SYCP2L: variants seen among roughly 807,000 people sequenced by gnomAD.
SYCP2L encodes the protein synaptonemal complex protein 2-like.
Under a neutral mutation model 125.8 loss-of-function variants are expected in SYCP2L, and 98 were observed. That is an observed-to-expected ratio of 0.78 (90% CI 0.66 to 0.92). The LOEUF is 0.92. Ranked by LOEUF, SYCP2L falls within the 40% of genes least tolerant of loss-of-function variation. The probability of loss-of-function intolerance (pLI) is 0.00; values close to 1 mark genes in which losing one functional copy is unlikely to be tolerated. For synonymous variants in SYCP2L, 317 were observed against 325.4 expected, an observed-to-expected ratio of 0.97 and a Z score of 0.28; for missense variants, 842 against 936.4, an observed-to-expected ratio of 0.90 and a Z score of 1.32.
chr6:10,957,812 GTC>G (rs1283428008), intron 25 of SYCP2L, among the ~76,000 whole-genome samples: 2 of 152,108 alleles, frequency 1.3e-5, no homozygotes, highest in Non-Finnish European at 2.9e-5. Flanking sequence ...GCAAGACCAT[GTC>G]TCTATTTTTT....
chr6:10,966,321 T>C (rs923431306), intron 29 of SYCP2L, among the ~76,000 whole-genome samples: 9 of 152,238 alleles, frequency 5.9e-5, no homozygotes, highest in African/African-American at 2.2e-4. Flanking sequence ...ATTATCTTTA[T>C]TTCCAAAAGC....
At chr6:10,955,081 C>T (rs372405888) in intron 23 of SYCP2L, 35 bp from the exon 24 acceptor site, 175 of 1,458,426 alleles carry the variant, frequency 1.2e-4, no homozygotes, top group South Asian at 1.5e-4. Context: ...AAGATAATTT[C>T]GGGTCAAAAG....
intron 21 of SYCP2L, among the ~76,000 whole-genome samples, chr6:10,938,282 C>A (rs1410675199): frequency 2.0e-5 from 3 of 152,036 alleles, no homozygotes; most frequent in African/African-American, 4.8e-5. Context: ...ATGTGATAAA[C>A]CACATTAAGA....
chr6:10,943,889 A>G (rs1397166486), intron 23 of SYCP2L, among the ~76,000 whole-genome samples: 1 of 152,170 alleles, frequency 6.6e-6, no homozygotes, highest in Non-Finnish European at 1.5e-5. Flanking sequence ...TAATTGAGGT[A>G]TATTTCTTTA....
chr6:10,953,232 A>G (rs1781442803), intron 23 of SYCP2L, among the ~76,000 whole-genome samples: 1 of 152,044 alleles, frequency 6.6e-6, no homozygotes, highest in African/African-American at 2.4e-5. Flanking sequence ...TTTTTTCCAA[A>G]TTCATATATT....
At chr6:10,921,322 A>G (rs913540027) in intron 14 of SYCP2L, among the ~76,000 whole-genome samples, 2 of 152,134 alleles carry the variant, frequency 1.3e-5, no homozygotes, top group Middle Eastern at 3.2e-3. Context: ...GCTATTGTGA[A>G]TAGTGCTGCA....
At position 10,941,392 on chromosome 6, in the gene SYCP2L, C is replaced by G. The variant is rs551585520; in HGVS notation, c.1814-1067C>G. On this transcript the variant is annotated intron_variant, in intron 21 of 29. Transcript: ENST00000283141. Reference sequence around the variant, plus strand: ...CCTACAGAATGGGAGAAAATTTTTGCCATCTACTCATCTGACAAAGGGCTA... The same window carrying G: ...CCTACAGAATGGGAGAAAATTTTTGGCATCTACTCATCTGACAAAGGGCTA... Among the ~76,000 whole-genome samples, 6 of 152,234 alleles carry G rather than the reference C, an allele frequency of 3.9e-5. No individual in the cohort carries two copies. In the East Asian group the frequency reaches 1.2e-3, roughly 29 times the overall value.
chr6:10,952,994 C>A (rs1781438544), intron 23 of SYCP2L, among the ~76,000 whole-genome samples: 1 of 152,018 alleles, frequency 6.6e-6, no homozygotes, highest in Non-Finnish European at 1.5e-5. Flanking sequence ...ACAGAGAGGC[C>A]AGATACTGGC....
chr6:10,928,637 C>T (rs1056051945), intron 18 of SYCP2L, among the ~76,000 whole-genome samples, 187 bp downstream of exon 18: 1 of 152,212 alleles, frequency 6.6e-6, no homozygotes, highest in African/African-American at 2.4e-5. Flanking sequence ...CTCCCAGGCT[C>T]ATGTGATCCT....
intron 16 of SYCP2L, among the ~76,000 whole-genome samples, chr6:10,926,849 G>A (rs963706725): frequency 8.7e-5 from 13 of 149,056 alleles, no homozygotes; most frequent in African/African-American, 2.5e-4. Flanking sequence ...GCACGATCTC[G>A]GCTCACTGCA....
chr6:10,890,215 T>C (rs1004618136), intron 1 of SYCP2L, among the ~76,000 whole-genome samples: 1 of 152,238 alleles, frequency 6.6e-6, no homozygotes, highest in African/African-American at 2.4e-5. Flanking sequence ...TTCTTTTCTT[T>C]TGGATATATC....
In SYCP2L at chr6:10,963,845, T is replaced by G. The variant is rs1781632466; in HGVS notation, c.*37+2T>G. On this transcript the variant is annotated splice_donor_variant, in intron 29 of 29. Coordinates refer to ENST00000283141, the MANE Select transcript of SYCP2L (RefSeq NM_001040274.3). LOFTEE classifies it low-confidence loss of function (3UTR_SPLICE). ...TGGTTTTATGATTGCAGCCCTCAGG[T>G]AGGTGCAAAGATTTGCATTGTTCAG... 1.2e-6 allele frequency: 2 copies of G among 1,611,988 alleles called. No individual in the cohort carries two copies. Among genetic ancestry groups the G allele is most frequent in the Admixed American group, 1.7e-5 (1 of 59,974 alleles).
At chr6:10,895,207 G>T (rs965581390) in intron 4 of SYCP2L, among the ~76,000 whole-genome samples, 12 of 152,198 alleles carry the variant, frequency 7.9e-5, no homozygotes, top group African/African-American at 2.7e-4. Context: ...AAATCTCAAA[G>T]GAAATGAGGC....
At chr6:10,914,738 GTTTTTTTTT>G (rs34095541) in intron 14 of SYCP2L, among the ~76,000 whole-genome samples, 3 of 107,802 alleles carry the variant, frequency 2.8e-5, no homozygotes, top group Non-Finnish European at 5.6e-5. Flanking sequence ...ATATCCCTAA[GTTTTTTTTT>G]TTTTTTTTTT....
At chr6:10,903,547 C>A (rs907466233) in intron 8 of SYCP2L, among the ~76,000 whole-genome samples, 6 of 151,794 alleles carry the variant, frequency 4.0e-5, no homozygotes, top group Non-Finnish European at 7.4e-5. Flanking sequence ...GAGACTCTGT[C>A]TTAAAATAAT....
At chr6:10,926,723 G>A (rs1170108809) in intron 16 of SYCP2L, among the ~76,000 whole-genome samples, 1 of 151,616 alleles carries the variant, frequency 6.6e-6, no homozygotes, top group Non-Finnish European at 1.5e-5. Flanking sequence ...ACTAGACCGT[G>A]TTTCTCTTTT....
chr6:10,903,670 G>A (rs1780430479), intron 8 of SYCP2L, among the ~76,000 whole-genome samples: 1 of 152,078 alleles, frequency 6.6e-6, no homozygotes, highest in Non-Finnish European at 1.5e-5. Flanking sequence ...AGAATCGCTT[G>A]AACCCAGGAG....
intron 17 of SYCP2L, among the ~76,000 whole-genome samples, chr6:10,928,153 C>A (rs1456478726): frequency 6.6e-6 from 1 of 151,462 alleles, no homozygotes; most frequent in African/African-American, 2.4e-5. Flanking sequence ...GACATACATC[C>A]TCCTCAGCTG....
intron 4 of SYCP2L, among the ~76,000 whole-genome samples, chr6:10,895,441 T>G (rs1470541200): frequency 6.6e-6 from 1 of 152,146 alleles, no homozygotes; most frequent in African/African-American, 2.4e-5. Flanking sequence ...AAACATTTCC[T>G]TTTTTTCTTT....
Sources: allele counts gnomAD v4.1 joint callset (sites outside exome capture counted in the v4.1 genomes callset), GRCh38; gene constraint gnomAD v4.1.1; transcripts MANE v1.5; gene names NCBI Gene and HGNC (gene_info 2026-07-23, HGNC 2026-07-21).